Variants in UNC13C observed in about 807,000 individuals in gnomAD.
UNC13C encodes the protein protein unc-13 homolog C.
Under a neutral mutation model 245.4 loss-of-function variants are expected in UNC13C, and 174 were observed. The ratio of observed to expected loss-of-function variants is 0.71; its 90% CI spans 0.63 to 0.80. The LOEUF is 0.80. Ranked by LOEUF, UNC13C falls within the 30% of genes least tolerant of loss-of-function variation. UNC13C has a pLI of 0.00. For missense variants in UNC13C, 2,829 were observed against 2,602.9 expected (o/e 1.09, Z -1.89); for synonymous variants, 992 against 895.1 (o/e 1.11, Z -1.93).
chr15:54,552,030 G>C (rs1472199259), intron 28 of UNC13C, among the ~76,000 whole-genome samples: 1 of 150,914 alleles, frequency 6.6e-6, no homozygotes, highest in Non-Finnish European at 1.5e-5. Context: ...TGTACTGATA[G>C]AAAATTTCAG....
chr15:54,106,945 C>T (rs1385676140), intron 2 of UNC13C, among the ~76,000 whole-genome samples: 1 of 152,206 alleles, frequency 6.6e-6, no homozygotes, highest in African/African-American at 2.4e-5. Flanking sequence ...CTTATATGTT[C>T]CCTGCTGTGT....
chr15:54,374,384 C>A (rs1360464048), intron 17 of UNC13C, among the ~76,000 whole-genome samples: 2 of 152,244 alleles, frequency 1.3e-5, no homozygotes, highest in Non-Finnish European at 2.9e-5. Flanking sequence ...GCCTCAGTAA[C>A]CCCCACCCCG....
intron 28 of UNC13C, among the ~76,000 whole-genome samples, chr15:54,554,748 A>C (rs1302389847): frequency 6.6e-6 from 1 of 151,938 alleles, no homozygotes; most frequent in Non-Finnish European, 1.5e-5. Context: ...TTTTTCCCTT[A>C]GTTTTTATTT....
At chr15:54,327,529 A>G (rs1451768535) in intron 14 of UNC13C, among the ~76,000 whole-genome samples, 4 of 151,960 alleles carry the variant, frequency 2.6e-5, no homozygotes, top group Non-Finnish European at 5.9e-5. Context: ...TTCATATGTG[A>G]TGTAAAAGCA....
At chr15:54,382,995 G>A (rs935491074) in intron 17 of UNC13C, among the ~76,000 whole-genome samples, 3 of 152,068 alleles carry the variant, frequency 2.0e-5, no homozygotes, top group Non-Finnish European at 4.4e-5. Context: ...GATTCAATGA[G>A]GAAGAAACAG....
intron 2 of UNC13C, among the ~76,000 whole-genome samples, chr15:54,026,759 C>T (rs1291577280): frequency 6.6e-6 from 1 of 152,142 alleles, no homozygotes; most frequent in Admixed American, 6.5e-5. Flanking sequence ...TTTCCTCTGT[C>T]AAACCTAGAC....
chr15:54,061,431 T>G (rs1897829775), intron 2 of UNC13C, among the ~76,000 whole-genome samples: 2 of 152,194 alleles, frequency 1.3e-5, no homozygotes, highest in Admixed American at 1.3e-4. Flanking sequence ...GAAGCTTGCC[T>G]CCTTTTTTCC....
the UNC13C span, among the ~76,000 whole-genome samples, chr15:53,903,417 T>C: frequency 6.6e-6 from 1 of 152,250 alleles, no homozygotes; most frequent in Non-Finnish European, 1.5e-5. Context: ...ATGATTTCCA[T>C]TCTAATTAAG....
At chr15:53,854,946 T>A in the UNC13C span, among the ~76,000 whole-genome samples, 3 of 152,222 alleles carry the variant, frequency 2.0e-5, no homozygotes, top group Admixed American at 2.0e-4. Flanking sequence ...ATTTTTCCAT[T>A]AGTGTGTATC....
intron 10 of UNC13C, among the ~76,000 whole-genome samples, chr15:54,280,707 CAT>C (rs2036964003): frequency 7.8e-6 from 1 of 128,354 alleles, no homozygotes; most frequent in African/African-American, 3.1e-5. Flanking sequence ...TGTATACATA[CAT>C]ATATACATAT....
At chr15:54,077,462 T>C (rs1025772847) in intron 2 of UNC13C, among the ~76,000 whole-genome samples, 2 of 136,236 alleles carry the variant, frequency 1.5e-5, no homozygotes, top group East Asian at 2.5e-4. Context: ...TACTGCAACC[T>C]CTGCCTCCCA....
chr15:53,896,867 G>A, the UNC13C span, among the ~76,000 whole-genome samples: 3 of 151,990 alleles, frequency 2.0e-5, no homozygotes, highest in Non-Finnish European at 4.4e-5. Context: ...GAGACACCCG[G>A]GACACTGATG....
intron 19 of UNC13C, among the ~76,000 whole-genome samples, chr15:54,478,040 G>C (rs1246930687): frequency 6.6e-6 from 1 of 151,652 alleles, no homozygotes; most frequent in African/African-American, 2.4e-5. Flanking sequence ...AGTCTTGGGA[G>C]AGTGTATGTG....
At chr15:53,881,449 A>G in the UNC13C span, among the ~76,000 whole-genome samples, 5 of 152,204 alleles carry the variant, frequency 3.3e-5, no homozygotes, top group Non-Finnish European at 5.9e-5. Context: ...TGTAAATTTT[A>G]AAGAAGTTCT....
At chr15:53,898,459 TCTC>T in the UNC13C span, among the ~76,000 whole-genome samples, 1 of 152,056 alleles carries the variant, frequency 6.6e-6, no homozygotes, top group East Asian at 1.9e-4. Flanking sequence ...CACTTTTTTT[TCTC>T]CTAATAGCTA....
At chr15:54,095,378 A>C (rs533580076) in intron 2 of UNC13C, among the ~76,000 whole-genome samples, 43 of 152,264 alleles carry the variant, frequency 2.8e-4, no homozygotes, top group African/African-American at 1.0e-3. Context: ...AAATTCCTCT[A>C]AACTCCAGGA....
chr15:54,231,218 A>G (rs1023727751), intron 4 of UNC13C, among the ~76,000 whole-genome samples: 3 of 152,124 alleles, frequency 2.0e-5, no homozygotes, highest in East Asian at 1.9e-4. Flanking sequence ...CAACTGGTAC[A>G]TGTGTCTTAT....
chr15:54,443,673 C>G (rs1483567218), intron 19 of UNC13C, among the ~76,000 whole-genome samples: 5 of 151,984 alleles, frequency 3.3e-5, no homozygotes, highest in African/African-American at 1.2e-4. Context: ...AATGATCATT[C>G]AGGAGCATGA....
intron 30 of UNC13C, among the ~76,000 whole-genome samples, chr15:54,592,601 T>C (rs890483872): frequency 6.6e-6 from 1 of 152,178 alleles, no homozygotes; most frequent in Non-Finnish European, 1.5e-5. Flanking sequence ...TTTTGTCGGA[T>C]ATAAGAATAG....
Sources: gnomAD v4.1 joint callset for allele counts (sites outside exome capture counted in the v4.1 genomes callset) on GRCh38, gnomAD v4.1.1 for gene constraint, MANE v1.5 for transcripts, NCBI Gene and HGNC (gene_info 2026-07-23, HGNC 2026-07-21) for gene names.